Variants in NBEA observed in about 807,000 individuals in gnomAD.
NBEA encodes neurobeachin.
Under a neutral mutation model 343.4 loss-of-function variants are expected in NBEA, and 44 were observed. The observed-to-expected ratio is 0.13, with a 90% CI of 0.10 to 0.16. NBEA has a LOEUF of 0.16. Among genes scored for constraint, NBEA ranks in the 10% least tolerant of loss-of-function variants. The probability of loss-of-function intolerance (pLI) is 1.00; values close to 1 mark genes in which losing one functional copy is unlikely to be tolerated. For synonymous variants in NBEA, 1,175 were observed against 1,238.7 expected (o/e 0.95, Z 1.08); for missense variants, 2,555 against 3,631.3 (o/e 0.70, Z 7.62).
intron 36 of NBEA, among the ~76,000 whole-genome samples, chr13:35,312,927 T>A (rs2037465953): frequency 6.6e-6 from 1 of 152,174 alleles, no homozygotes; most frequent in African/African-American, 2.4e-5. Flanking sequence ...CAGGTGGAGA[T>A]GTTCAATAGG....
intron 36 of NBEA, among the ~76,000 whole-genome samples, chr13:35,323,981 T>C (rs1271184987): frequency 1.3e-5 from 2 of 152,204 alleles, no homozygotes; most frequent in South Asian, 2.1e-4. Flanking sequence ...AAGATGTACA[T>C]AATCTGTGCC....
At chr13:35,042,257 T>G (rs929394240) in intron 2 of NBEA, among the ~76,000 whole-genome samples, 33 of 151,898 alleles carry the variant, frequency 2.2e-4, no homozygotes, top group African/African-American at 7.5e-4. Context: ...TTTTTTAGAA[T>G]GATTTAGCAG....
At chr13:35,330,240 T>A (rs2038844233) in intron 36 of NBEA, among the ~76,000 whole-genome samples, 1 of 152,102 alleles carries the variant, frequency 6.6e-6, no homozygotes, top group African/African-American at 2.4e-5. Context: ...TCAAATGAGA[T>A]GATAACTGTA....
chr13:35,405,803 C>T (rs1006701506), intron 38 of NBEA, among the ~76,000 whole-genome samples: 3 of 151,986 alleles, frequency 2.0e-5, no homozygotes, highest in Non-Finnish European at 4.4e-5. Context: ...TTCCATATAG[C>T]AGTAATTATT....
chr13:35,267,887 C>T (rs556833781), intron 34 of NBEA, among the ~76,000 whole-genome samples: 78 of 150,506 alleles, frequency 5.2e-4, no homozygotes, highest in South Asian at 4.6e-3. Context: ...TGTGGAATAA[C>T]TTAAACACTG....
At chr13:35,464,736 C>T (rs2047079726) in intron 40 of NBEA, among the ~76,000 whole-genome samples, 1 of 152,162 alleles carries the variant, frequency 6.6e-6, no homozygotes, top group South Asian at 2.1e-4. Flanking sequence ...AAATAAATCA[C>T]ATAAAGTGCC....
In NBEA at chr13:34,959,230, T is replaced by TA. The variant is rs530170227; in HGVS notation, c.294+16117dup. On this transcript the variant is annotated intron_variant, in intron 1 of 58. Coordinates refer to ENST00000379939, the MANE Select transcript of NBEA (RefSeq NM_001385012.1). ...TTTCATATTGTAAGTTTCTTTAGAG[T>TA]ATCTATTGCTATGAATAAAATATTC... Among the ~76,000 whole-genome samples, 7 of 152,266 alleles carry TA rather than the reference T, an allele frequency of 4.6e-5. No individual in the cohort carries two copies. In the East Asian group the frequency reaches 1.2e-3, roughly 25 times the overall value.
chr13:34,951,378 T>C (rs2059345317), intron 1 of NBEA, among the ~76,000 whole-genome samples: 1 of 152,244 alleles, frequency 6.6e-6, no homozygotes, highest in South Asian at 2.1e-4. Flanking sequence ...TTAAATGGGT[T>C]AATATATGTA....
At chr13:35,000,048 T>C (rs996130005) in intron 1 of NBEA, among the ~76,000 whole-genome samples, 1 of 152,136 alleles carries the variant, frequency 6.6e-6, no homozygotes, top group African/African-American at 2.4e-5. Context: ...TTGGGTACAG[T>C]AATATCTTTA....
intron 34 of NBEA, among the ~76,000 whole-genome samples, chr13:35,243,320 A>G (rs763584187): frequency 6.6e-6 from 1 of 152,090 alleles, no homozygotes; most frequent in South Asian, 2.1e-4. Context: ...ACAAAATTCA[A>G]CTACACACAA....
At chr13:35,640,196 A>C (rs1169253495) in intron 49 of NBEA, among the ~76,000 whole-genome samples, 1 of 152,144 alleles carries the variant, frequency 6.6e-6, no homozygotes, top group Admixed American at 6.6e-5. Flanking sequence ...ATATTTATCG[A>C]TTTCCTTTTC....
chr13:35,455,094 A>C (rs1479882390), intron 40 of NBEA, among the ~76,000 whole-genome samples: 2 of 151,930 alleles, frequency 1.3e-5, no homozygotes, highest in Admixed American at 6.6e-5. Context: ...AAATATATAA[A>C]AGTAATTAGA....
At position 35,015,135 on chromosome 13, in the gene NBEA, AAAAACAAAC is replaced by A. The variant is rs1193316932; in HGVS notation, c.295-25793_295-25785del. The stretch of plus-strand genomic sequence containing the variant: ...AAAAAGCAACGAGATCTGAAAAAAA[AAAAACAAAC>A]AAAAAAAAAAAACCACACACAAAGC... On this transcript the variant is annotated intron_variant, in intron 1 of 58. Transcript: ENST00000379939. Among the ~76,000 whole-genome samples the A allele has an allele frequency of 2.3e-5, 3 of 132,692 alleles. 1 individual carries two copies. The highest frequency in any genetic ancestry group is 7.9e-5 in the Admixed American group (1 of 12,708). The allele number at this position is 132,692 out of a possible 152,430, so 87.1% of individuals were successfully genotyped here.
In NBEA at chr13:35,592,898, AGTGATCAGTATCAGAGTGATTTTT is replaced by A. The variant is rs369354130; in HGVS notation, c.7177-381_7177-358del. ...CATTCTCTACCTAATTCCACACTGC[AGTGATCAGTATCAGAGTGATTTTT>A]GTGATCAGTATCAGAGTGATTTTTG... On this transcript the variant is annotated intron_variant, in intron 46 of 58. Transcript: ENST00000379939. The A allele has an allele frequency of 8.1e-3, 1,241 of 154,010 alleles. 21 individuals carry two copies. Among genetic ancestry groups the A allele is most frequent in the African/African-American group, 0.028 (1,149 of 41,506 alleles). 9.5% of individuals were successfully genotyped at this position (154,010 alleles called of 1,614,324 possible). A position where few individuals can be genotyped will look rare whatever the true frequency, so the allele number is the denominator to read the frequency against.
At chr13:35,616,919 G>T (rs728994) in intron 48 of NBEA, among the ~76,000 whole-genome samples, 34,741 of 152,104 alleles carry the variant, frequency 0.23, 4,190 homozygotes, top group African/African-American at 0.25. Context: ...TAAGCCTCAC[G>T]GTGTAGCATC....
intron 34 of NBEA, among the ~76,000 whole-genome samples, chr13:35,250,618 G>A (rs2031842341): frequency 1.3e-5 from 2 of 152,128 alleles, no homozygotes; most frequent in African/African-American, 2.4e-5. Context: ...ATGTAAAGTT[G>A]AATTTGTAAA....
At chr13:35,106,475 T>C (rs1461574045) in intron 11 of NBEA, among the ~76,000 whole-genome samples, 1 of 151,936 alleles carries the variant, frequency 6.6e-6, no homozygotes, top group Middle Eastern at 3.4e-3. Flanking sequence ...ATCAGGAGGA[T>C]AAAAGATGAA....
chr13:35,410,537 A>G (rs1018793599), intron 38 of NBEA, among the ~76,000 whole-genome samples: 2 of 152,116 alleles, frequency 1.3e-5, no homozygotes, highest in African/African-American at 2.4e-5. Context: ...GGGGACTTCA[A>G]AAGGTTCACA....
chr13:35,389,041 A>G (rs1040802880), intron 38 of NBEA, among the ~76,000 whole-genome samples: 12 of 147,018 alleles, frequency 8.2e-5, no homozygotes, highest in African/African-American at 2.8e-4. Context: ...TTCTTTTGGT[A>G]AACAATTCCT....
Sources: allele counts gnomAD v4.1 joint callset (sites outside exome capture counted in the v4.1 genomes callset), GRCh38; gene constraint gnomAD v4.1.1; transcripts MANE v1.5; gene names NCBI Gene and HGNC (gene_info 2026-07-23, HGNC 2026-07-21).